Variants in SLC26A7 observed in about 807,000 individuals in gnomAD.
SLC26A7 encodes solute carrier family 26 member 7, also known as anion exchange transporter.
A neutral mutation model predicts 82.5 loss-of-function variants in SLC26A7; 59 were observed. That is an observed-to-expected ratio of 0.72 (90% CI 0.58 to 0.89). The LOEUF (loss-of-function observed/expected upper bound fraction) is 0.89, where lower values mean the gene tolerates loss of function less well. Among genes scored for constraint, SLC26A7 ranks in the 40% least tolerant of loss-of-function variants. SLC26A7 has a pLI of 0.00. For synonymous variants in SLC26A7, 271 were observed against 274.3 expected (o/e 0.99, Z 0.12); for missense variants, 820 against 793.0 (o/e 1.03, Z -0.41).
chr8:91,359,983 C>T (rs186883731), intron 11 of SLC26A7, among the ~76,000 whole-genome samples: 1 of 151,932 alleles, frequency 6.6e-6, no homozygotes, highest in Non-Finnish European at 1.5e-5. Context: ...AACTGTTGCA[C>T]CTCTTTACAT....
intron 4 of SLC26A7, among the ~76,000 whole-genome samples, chr8:91,297,846 G>T (rs1268012479): frequency 6.6e-6 from 1 of 152,032 alleles, no homozygotes; most frequent in African/African-American, 2.4e-5. Context: ...TTTGTGTATT[G>T]TTTTGCTCTT....
chr8:91,301,895 CTG>C (rs1338627382), intron 4 of SLC26A7, among the ~76,000 whole-genome samples: 27 of 151,426 alleles, frequency 1.8e-4, no homozygotes, highest in African/African-American at 6.3e-4. Context: ...TTTATATATA[CTG>C]TGTTTTGCTT....
At chr8:91,321,726 A>C (rs1470963287) in intron 5 of SLC26A7, among the ~76,000 whole-genome samples, 1 of 152,172 alleles carries the variant, frequency 6.6e-6, no homozygotes. Flanking sequence ...TTCTGATTAA[A>C]CTATCTTTCT....
At position 91,289,146 on chromosome 8, in the gene SLC26A7, T is replaced by C. The variant is rs754893676; in HGVS notation, c.204T>C (p.Phe68=). The C allele has an allele frequency of 1.9e-6, 3 of 1,613,470 alleles. No individual in the cohort carries two copies. Among genetic ancestry groups the C allele is most frequent in the African/African-American group, 2.7e-5 (2 of 74,934 alleles). Residue 68 remains phenylalanine (F), a synonymous_variant, in exon 3 of 19, where the codon TTT becomes TTC. Transcript: ENST00000276609. ...TAGTCTTCTTCACAGGATTGGCCTT[T>C]GCTGTTCTCTCATCTGTGCACCCAG... is the stretch of plus-strand genomic sequence containing the variant. The part of the protein sequence containing the change: ...AVQQVTQGLA[F]AVLSSVHPVF...
intron 6 of SLC26A7, among the ~76,000 whole-genome samples, chr8:91,334,650 G>A (rs1813191650): frequency 6.6e-6 from 1 of 152,080 alleles, no homozygotes; most frequent in Non-Finnish European, 1.5e-5. Flanking sequence ...AGGCACACAT[G>A]TTTTCAATTT....
At chr8:91,257,554 C>G (rs1002115238) in intron 2 of SLC26A7, among the ~76,000 whole-genome samples, 3 of 152,012 alleles carry the variant, frequency 2.0e-5, no homozygotes, top group African/African-American at 7.2e-5. Flanking sequence ...AGACTTGACT[C>G]CTATTCATAG....
intron 13 of SLC26A7, among the ~76,000 whole-genome samples, chr8:91,364,550 T>C (rs1385946849): frequency 6.6e-6 from 1 of 152,204 alleles, no homozygotes; most frequent in Admixed American, 6.5e-5. Flanking sequence ...ATTTTTTCCA[T>C]GGGAATTTAG....
intron 2 of SLC26A7, among the ~76,000 whole-genome samples, chr8:91,262,146 G>A (rs1810985625): frequency 6.6e-6 from 1 of 152,062 alleles, no homozygotes; most frequent in South Asian, 2.1e-4. Context: ...TGCGCCTGGA[G>A]ATGGCTGGAT....
In SLC26A7 at chr8:91,292,173, C is replaced by T. The variant is rs188244902; in HGVS notation, c.304+2927C>T. Among the ~76,000 whole-genome samples, 37 of 152,072 alleles carry T rather than the reference C, an allele frequency of 2.4e-4. 1 individual carries two copies. Among genetic ancestry groups the T allele is most frequent in the Middle Eastern group, 3.4e-3 (1 of 294 alleles). The stretch of plus-strand genomic sequence containing the variant: ...ACAAAAAATTAGCTGGACGTGGTGG[C>T]GGGCACCTGTAGTCCCAGCTACTCA... On this transcript the variant is annotated intron_variant, in intron 3 of 18. Coordinates refer to ENST00000276609, the MANE Select transcript of SLC26A7 (RefSeq NM_052832.4).
At chr8:91,239,083 A>C (rs1241830517) in intron 2 of SLC26A7, among the ~76,000 whole-genome samples, 1 of 152,188 alleles carries the variant, frequency 6.6e-6, no homozygotes, top group Non-Finnish European at 1.5e-5. Context: ...AATGATATAT[A>C]GATGAGGCCG....
Position 91,242,629 on chromosome 8 carries a change from C to G in SLC26A7, c.-33-6990C>G, listed in dbSNP as rs548855559. Among the ~76,000 whole-genome samples the G allele has an allele frequency of 5.3e-5, 8 of 152,250 alleles. No individual in the cohort carries two copies. In the South Asian group the frequency reaches 1.7e-3, roughly 32 times the overall value. Reference sequence around the variant, plus strand: ...AAGGAAGCACCAGAGAGCTTTCTTCCTGTTTCTCTCTGCCATGTGAGAATG... The same window carrying G: ...AAGGAAGCACCAGAGAGCTTTCTTCGTGTTTCTCTCTGCCATGTGAGAATG... On this transcript the variant is annotated intron_variant, in intron 2 of 5. Transcript: ENST00000522862.
intron 15 of SLC26A7, among the ~76,000 whole-genome samples, chr8:91,376,292 C>CT (rs771080195): frequency 6.6e-6 from 1 of 152,166 alleles, no homozygotes; most frequent in Non-Finnish European, 1.5e-5. Context: ...TCAAGACACT[C>CT]TGTCTTTTTG....
At chr8:91,336,955 C>T (rs1408274875) in intron 6 of SLC26A7, among the ~76,000 whole-genome samples, 5 of 151,818 alleles carry the variant, frequency 3.3e-5, no homozygotes, top group East Asian at 1.9e-4. Context: ...TATTAATTGG[C>T]GTAGGAATTT....
At chr8:91,316,795 C>T (rs1231921173) in intron 4 of SLC26A7, among the ~76,000 whole-genome samples, 1 of 151,076 alleles carries the variant, frequency 6.6e-6, no homozygotes, top group East Asian at 1.9e-4. Flanking sequence ...ATGCATTATG[C>T]CAAAGTGTGG....
chr8:91,225,643 G>GTTTTTTTTTTTTTTTTTT (rs55732709), intron 2 of SLC26A7, among the ~76,000 whole-genome samples: 1 of 36,120 alleles, frequency 2.8e-5, no homozygotes, highest in African/African-American at 1.2e-4. Flanking sequence ...CTAGAAAAGT[G>GTTTTTTTTTTTTTTTTTT]TTTTTTTTTT....
At chr8:91,386,724 A>G (rs1488047104) in intron 15 of SLC26A7, among the ~76,000 whole-genome samples, 1 of 152,132 alleles carries the variant, frequency 6.6e-6, no homozygotes, top group Admixed American at 6.6e-5. Flanking sequence ...GCATTTGCCA[A>G]TTTCCATGGT....
chr8:91,398,057 G>A lies in SLC26A7; in HGVS notation c.*2960G>A, dbSNP rs989318282. On this transcript the variant is annotated 3_prime_UTR_variant, in exon 19 of 19. Transcript: ENST00000276609. ...CAGTTATTTTTTTATATTTTTCAAT[G>A]CATTTAATTATCTTTTTTATAATTC... 6.6e-6 allele frequency: 1 copy of A among 152,284 alleles called. No homozygotes were observed. The allele number at this position is 152,284 out of a possible 1,614,324, so 9.4% of individuals were successfully genotyped here.
At chr8:91,361,068 G>A (rs923825261) in intron 11 of SLC26A7, among the ~76,000 whole-genome samples, 1 of 152,102 alleles carries the variant, frequency 6.6e-6, no homozygotes, top group Admixed American at 6.6e-5. Flanking sequence ...ATCTTAACAT[G>A]AGATTCATTT....
chr8:91,394,433 G>A (rs1255709551), intron 18 of SLC26A7: 1 of 1,410,118 alleles, frequency 7.1e-7, no homozygotes, highest in Non-Finnish European at 9.2e-7. Context: ...TTGCCTCTAA[G>A]CTTATATTGC....
Sources: allele counts gnomAD v4.1 joint callset (sites outside exome capture counted in the v4.1 genomes callset), GRCh38; gene constraint gnomAD v4.1.1; transcripts MANE v1.5; gene names NCBI Gene and HGNC (gene_info 2026-07-23, HGNC 2026-07-21).